VPS13B: variants seen among roughly 807,000 people sequenced by gnomAD.
The protein encoded by VPS13B is vacuolar protein sorting 13 homolog B.
In VPS13B, 285 loss-of-function variants were observed where a neutral mutation model predicts 426.4. The ratio of observed to expected loss-of-function variants is 0.67; its 90% CI spans 0.61 to 0.74. The LOEUF (loss-of-function observed/expected upper bound fraction) is 0.74. Ranked by LOEUF, VPS13B falls within the 30% of genes least tolerant of loss-of-function variation. The pLI, the probability that VPS13B is intolerant of heterozygous loss-of-function variation, is 0.00. For missense variants in VPS13B, 4,537 were observed against 4,782.6 expected (o/e 0.95, Z 1.51); for synonymous variants, 1,676 against 1,676.4 (o/e 1.00, Z 0.01).
chr8:99,078,049 C>A (rs1264742598), intron 3 of VPS13B, among the ~76,000 whole-genome samples: 1 of 151,498 alleles, frequency 6.6e-6, no homozygotes, highest in Non-Finnish European at 1.5e-5. Flanking sequence ...TTAATGACAT[C>A]TATCTCTTTT....
intron 30 of VPS13B, among the ~76,000 whole-genome samples, chr8:99,521,824 A>T (rs148298084): frequency 1.4e-3 from 216 of 152,348 alleles, no homozygotes; most frequent in Non-Finnish European, 2.7e-3. Flanking sequence ...TTCATTTACC[A>T]TCTAGAGGGT....
At chr8:99,642,637 A>C (rs1043174804) in intron 34 of VPS13B, 139 bp downstream of exon 34, 12 of 742,682 alleles carry the variant, frequency 1.6e-5, no homozygotes, top group Non-Finnish European at 2.2e-5. Flanking sequence ...TTCATGTTCC[A>C]CAGCTGAATC....
chr8:99,105,126 G>A (rs1846973954), intron 5 of VPS13B, among the ~76,000 whole-genome samples: 1 of 152,138 alleles, frequency 6.6e-6, no homozygotes, highest in Non-Finnish European at 1.5e-5. Context: ...TGTTTTCTAA[G>A]CTTTAGTCTT....
chr8:99,579,430 C>T (rs917019449), intron 33 of VPS13B, among the ~76,000 whole-genome samples: 1 of 151,950 alleles, frequency 6.6e-6, no homozygotes, highest in Non-Finnish European at 1.5e-5. Context: ...TGGAGTCTTG[C>T]ACTGTCGCCT....
chr8:99,064,628 T>C (rs1025399240), intron 3 of VPS13B, among the ~76,000 whole-genome samples: 6 of 152,256 alleles, frequency 3.9e-5, no homozygotes, highest in African/African-American at 1.4e-4. Context: ...AAATCTGCTT[T>C]TGATTAGTGT....
At position 99,556,456 on chromosome 8, in the gene VPS13B, C is replaced by T. The variant is rs1824571609; in HGVS notation, c.4752C>T (p.Ala1584=). The change falls in exon 31 of 62, where the codon GCC becomes GCT. Residue 1584 remains alanine, a synonymous_variant. Transcript: ENST00000357162. ...TTTTTCGCTGCCTTTACAGGAGAGCCTTGAACTTAGGAATTCTTCGAGATC... is the reference window on the plus strand; with the variant it reads ...TTTTTCGCTGCCTTTACAGGAGAGCTTTGAACTTAGGAATTCTTCGAGATC... The part of the protein sequence containing the change: ...SVLRKDIYQR[A]LNLGILRDPG... The T allele has an allele frequency of 6.2e-7, 1 of 1,612,290 alleles. No individual in the cohort carries two copies. The highest frequency in any genetic ancestry group is 1.7e-5 in the Admixed American group (1 of 59,820).
intron 19 of VPS13B, among the ~76,000 whole-genome samples, chr8:99,306,636 G>A (rs1010324906): frequency 2.0e-5 from 3 of 152,034 alleles, no homozygotes; most frequent in East Asian, 1.9e-4. Context: ...GTAGTTTTCT[G>A]TGCTATTGGT....
chr8:99,233,992 G>A, intron 17 of VPS13B: 1 of 775,722 alleles, frequency 1.3e-6, no homozygotes, highest in Middle Eastern at 3.5e-4. Context: ...GCTCAGTGAT[G>A]TTCACTATGG....
intron 44 of VPS13B, among the ~76,000 whole-genome samples, chr8:99,813,494 G>C (rs751644947): frequency 1.3e-5 from 2 of 152,202 alleles, no homozygotes; most frequent in African/African-American, 2.4e-5. Flanking sequence ...TTTCAAGTTA[G>C]GCAATGCTAT....
Position 99,559,027 on chromosome 8 carries a change from CA to C in VPS13B, c.4949+2375del, listed in dbSNP as rs532382802. Among the ~76,000 whole-genome samples, 952 of 152,316 alleles carry C rather than the reference CA, an allele frequency of 6.3e-3. 8 individuals carry two copies. The highest frequency in any genetic ancestry group is 0.022 in the African/African-American group (894 of 41,576). On this transcript the variant is annotated intron_variant, in intron 31 of 61. Coordinates refer to ENST00000357162, the MANE Select transcript of VPS13B (RefSeq NM_152564.5). ...TTGAACTAATTTACAGTCCCACCAA[CA>C]GTGTAAAAGTGTTCCTATTTCTCCA... is the stretch of plus-strand genomic sequence containing the variant.
At chr8:99,782,478 C>G (rs963999919) in intron 42 of VPS13B, among the ~76,000 whole-genome samples, 4 of 151,890 alleles carry the variant, frequency 2.6e-5, no homozygotes, top group African/African-American at 9.7e-5. Context: ...GAGAACCTAC[C>G]TTGACCTTGG....
chr8:99,499,274 G>A (rs1051357759), intron 25 of VPS13B, among the ~76,000 whole-genome samples: 3 of 152,042 alleles, frequency 2.0e-5, no homozygotes, highest in African/African-American at 7.2e-5. Flanking sequence ...ACAAAATGCT[G>A]TAAATCCAAA....
chr8:99,573,663 C>T (rs1390760223), intron 31 of VPS13B, among the ~76,000 whole-genome samples: 3 of 152,138 alleles, frequency 2.0e-5, no homozygotes, highest in African/African-American at 7.2e-5. Context: ...GTCTATATCT[C>T]TGTTTTGGTA....
At chr8:99,018,290 G>A (rs1449947595) in intron 2 of VPS13B, among the ~76,000 whole-genome samples, 1 of 152,188 alleles carries the variant, frequency 6.6e-6, no homozygotes, top group African/African-American at 2.4e-5. Context: ...GGACGCTGGG[G>A]CACAAGAATC....
At chr8:99,013,979 G>A (rs1841454925) in intron 2 of VPS13B, 44 bp downstream of exon 2, 2 of 1,613,156 alleles carry the variant, frequency 1.2e-6, no homozygotes, top group Middle Eastern at 1.7e-4. Flanking sequence ...TTTTCAGCTT[G>A]TTTAGACGGT....
At chr8:99,297,801 C>A (rs1482350953) in intron 19 of VPS13B, among the ~76,000 whole-genome samples, 1 of 152,184 alleles carries the variant, frequency 6.6e-6, no homozygotes, top group Non-Finnish European at 1.5e-5. Flanking sequence ...TTCCACTCAA[C>A]AGTGTTTTAA....
At chr8:99,755,878 ATT>A in intron 39 of VPS13B, among the ~76,000 whole-genome samples, 1 of 152,018 alleles carries the variant, frequency 6.6e-6, no homozygotes, top group African/African-American at 2.4e-5. Flanking sequence ...TAATAATGTT[ATT>A]TATTAATATT....
chr8:99,381,908 TC>T (rs1397836196), intron 19 of VPS13B, among the ~76,000 whole-genome samples: 50 of 152,178 alleles, frequency 3.3e-4, no homozygotes, highest in Non-Finnish European at 8.8e-5. Flanking sequence ...CTTTGCCTGT[TC>T]CTGTGTCCAG....
At chr8:99,835,073 CT>C in intron 52 of VPS13B, 123 bp from the exon 53 acceptor site, 1 of 1,211,032 alleles carries the variant, frequency 8.3e-7, no homozygotes. Flanking sequence ...GGAATCTCCC[CT>C]GAGTTATAAA....
Sources: gnomAD v4.1 joint callset for allele counts (sites outside exome capture counted in the v4.1 genomes callset) on GRCh38, gnomAD v4.1.1 for gene constraint, MANE v1.5 for transcripts, NCBI Gene and HGNC (gene_info 2026-07-23, HGNC 2026-07-21) for gene names.